Variants in ZSCAN1 observed in about 807,000 individuals in gnomAD.
ZSCAN1 encodes the protein zinc finger and SCAN domain containing 1, also known as zinc finger and SCAN domain-containing protein 1.
Under a neutral mutation model 23.8 loss-of-function variants are expected in ZSCAN1, and 23 were observed. The observed-to-expected ratio is 0.97, with a 90% CI of 0.70 to 1.37. ZSCAN1 has a LOEUF of 1.37. ZSCAN1 is among the 40% of genes most tolerant of loss of function. The probability of loss-of-function intolerance (pLI) is 0.00; values close to 1 mark genes in which losing one functional copy is unlikely to be tolerated. For missense variants in ZSCAN1, 575 were observed against 554.0 expected (o/e 1.04, Z -0.38); for synonymous variants, 236 against 232.3 (o/e 1.02, Z -0.15).
intron 4 of ZSCAN1, chr19:58,044,832 C>G (rs971999267): frequency 6.6e-6 from 5 of 752,244 alleles, no homozygotes; most frequent in Non-Finnish European, 1.2e-5. Context: ...GCCTTCGCAC[C>G]GTGTCGAGAG....
At chr19:58,042,814 T>C (rs1278129253) in intron 4 of ZSCAN1, among the ~76,000 whole-genome samples, 4 of 152,106 alleles carry the variant, frequency 2.6e-5, no homozygotes, top group Admixed American at 2.6e-4. Flanking sequence ...GCGGGGGTCG[T>C]AGGTGGGGAA....
intron 4 of ZSCAN1, among the ~76,000 whole-genome samples, chr19:58,051,462 GCTCCCTCCCTCCCTCC>G (rs959579444): frequency 6.6e-6 from 1 of 151,466 alleles, no homozygotes; most frequent in East Asian, 1.9e-4. Flanking sequence ...CCTGCCATCA[GCTCCCTCCCTCCCTCC>G]CTCCCTCCTC....
downstream of ZSCAN1, among the ~76,000 whole-genome samples, chr19:58,054,965 G>A (rs1280938626): frequency 6.6e-6 from 1 of 152,202 alleles, no homozygotes; most frequent in African/African-American, 2.4e-5. This position sits in a 1 kb window ranked among gnomAD's most constrained non-coding sequence, Gnocchi z 4.2. Context: ...CTGCTAGGCT[G>A]GAGCAGAGTG....
Position 58,049,913 on chromosome 19 carries a change from T to A in ZSCAN1, c.466-2577T>A, listed in dbSNP as rs1466144298. The stretch of plus-strand genomic sequence containing the variant: ...GCTTTTTCTTGTGGGCATTCTCGGG[T>A]TTTTTCACTTTACTCCACTGTGTTG... On this transcript the variant is annotated intron_variant, in intron 4 of 5. Transcript: ENST00000282326. This position sits in a 1 kb window ranked among gnomAD's most constrained non-coding sequence, Gnocchi z 4.5. Among the ~76,000 whole-genome samples the A allele has an allele frequency of 6.6e-6, 1 of 151,984 alleles. No homozygotes were observed. Among genetic ancestry groups the A allele is most frequent in the East Asian group, 1.9e-4 (1 of 5,184 alleles).
intron 5 of ZSCAN1, among the ~76,000 whole-genome samples, 189 bp downstream of exon 5, chr19:58,052,817 A>G (rs1471791037): frequency 1.3e-5 from 2 of 152,088 alleles, no homozygotes; most frequent in African/African-American, 4.8e-5. Flanking sequence ...TACATCGTTC[A>G]CCCTACGAGA....
At chr19:58,034,338 A>G (rs1423813757) in intron 1 of ZSCAN1, among the ~76,000 whole-genome samples, 177 bp downstream of exon 1, 16 of 144,592 alleles carry the variant, frequency 1.1e-4, no homozygotes, top group Non-Finnish European at 1.8e-4. Context: ...GGGGTTCCAG[A>G]GCCCATCGGG....
intron 4 of ZSCAN1, chr19:58,046,345 GA>G: frequency 1.1e-6 from 1 of 926,074 alleles, no homozygotes; most frequent in African/African-American, 1.6e-5. Flanking sequence ...AAAGACTGGT[GA>G]AGAAAAATAC....
In ZSCAN1 at chr19:58,053,425, A is replaced by C. The variant is rs570309047; in HGVS notation, c.605-4A>C. 1.9e-5 allele frequency: 31 copies of C among 1,605,506 alleles called. No individual in the cohort carries two copies. In the East Asian group the frequency reaches 6.0e-4, roughly 31 times the overall value. ...AGGTGACCCATCTCCCTCGCCCTCC[A>C]CAGGGTCCCGGGCCCGCTTGCCTCT... On this transcript the variant is annotated splice_polypyrimidine_tract_variant and splice_region_variant and intron_variant, in intron 5 of 5. Coordinates refer to ENST00000282326, the MANE Select transcript of ZSCAN1 (RefSeq NM_182572.4). The surrounding 1 kb of genome is among the most constrained non-coding windows in gnomAD (Gnocchi z 5.8).
intron 4 of ZSCAN1, among the ~76,000 whole-genome samples, chr19:58,052,063 G>A (rs1395732296): frequency 6.6e-6 from 1 of 152,242 alleles, no homozygotes; most frequent in Non-Finnish European, 1.5e-5. Flanking sequence ...TTGGGGGACG[G>A]GAGTTAGGAG....
Position 58,052,552 on chromosome 19 carries a change from G to T in ZSCAN1, c.528G>T (p.Trp176Cys). ...AAPALPEESE[W>C]LETTQLQQSL... ...CAGCACTCCCCGAGGAAAGTGAGTG[G>T]CTGGAGACTACCCAGCTCCAGCAGA... Residue 176 changes from tryptophan (W) to cysteine (C), a missense_variant, in exon 5 of 6, where the codon TGG (tryptophan) becomes TGT (cysteine). Trp to Cys is a radical substitution (Grantham distance 215). Coordinates refer to ENST00000282326, the MANE Select transcript of ZSCAN1 (RefSeq NM_182572.4). 6.2e-7 allele frequency: 1 copy of T among 1,614,016 alleles called. No individual in the cohort carries two copies. The highest frequency in any genetic ancestry group is 1.3e-5 in the African/African-American group (1 of 75,078).
rs768562283 is a variant in ZSCAN1, at chr19:58,040,408, G to A, written c.371-42G>A. 6.2e-7 allele frequency: 1 copy of A among 1,603,452 alleles called. No homozygotes were observed. Among genetic ancestry groups the A allele is most frequent in the Non-Finnish European group, 8.5e-7 (1 of 1,171,378 alleles). On this transcript the variant is annotated intron_variant, in intron 3 of 5. Transcript: ENST00000282326. This position sits in a 1 kb window ranked among gnomAD's most constrained non-coding sequence, Gnocchi z 5.8. The stretch of plus-strand genomic sequence containing the variant: ...GAAGGCCTGGAGAATTGGGGGCTCT[G>A]GGAAGAACAGGCCCCTCTCACGATC...
chr19:58,044,738 C>A (rs1290151728), intron 4 of ZSCAN1: 1 of 734,746 alleles, frequency 1.4e-6, no homozygotes, highest in Non-Finnish European at 2.5e-6. Flanking sequence ...CCGAAAGTTT[C>A]ATTTGGCTGC....
rs1239868954 is a variant in ZSCAN1, at chr19:58,054,232, G to A, written c.*181G>A. On this transcript the variant is annotated 3_prime_UTR_variant, in exon 6 of 6. Coordinates refer to ENST00000282326, the MANE Select transcript of ZSCAN1 (RefSeq NM_182572.4). This position sits in a 1 kb window ranked among gnomAD's most constrained non-coding sequence, Gnocchi z 4.2. The stretch of plus-strand genomic sequence containing the variant: ...CCTGCTCCGAAGCCAAGCACGGGAT[G>A]GGGCTTCCCAGGGTCTCAGCTGAGA... The A allele has an allele frequency of 9.1e-6, 7 of 772,200 alleles. No homozygotes were observed. The highest frequency in any genetic ancestry group is 1.4e-5 in the Non-Finnish European group (7 of 510,800). The allele number at this position is 772,200 out of a possible 1,614,324, so 47.8% of individuals were successfully genotyped here.
chr19:58,044,638 CCCG>C, intron 4 of ZSCAN1: 9 of 1,044,182 alleles, frequency 8.6e-6, no homozygotes, highest in African/African-American at 1.6e-5. Flanking sequence ...CCGCCAGCCT[CCCG>C]CCGCCGCCTC....
At chr19:58,046,267 C>A (rs2073825313) in intron 4 of ZSCAN1, 14 of 781,272 alleles carry the variant, frequency 1.8e-5, no homozygotes, top group South Asian at 1.7e-4. Flanking sequence ...GAAGGAGGAG[C>A]TGGAGCTGCT....
rs540643412 is a variant in ZSCAN1, at chr19:58,053,208, C to T, written c.605-221C>T. Among the ~76,000 whole-genome samples, 16 of 152,280 alleles carry T rather than the reference C, an allele frequency of 1.1e-4. No homozygotes were observed. The highest frequency in any genetic ancestry group is 2.1e-4 in the South Asian group (1 of 4,830). ...TCCTCACCTCATGATCCACCTTCCT[C>T]GGCCTCCCAAAGTGCTGGGATTACA... On this transcript the variant is annotated intron_variant, in intron 5 of 5. Transcript: ENST00000282326. The surrounding 1 kb of genome is among the most constrained non-coding windows in gnomAD (Gnocchi z 5.8).
chr19:58,041,414 G>A (rs2073788733), intron 4 of ZSCAN1, among the ~76,000 whole-genome samples: 1 of 152,230 alleles, frequency 6.6e-6, no homozygotes, highest in African/African-American at 2.4e-5. Flanking sequence ...GGGAAACAGA[G>A]ACCTCCACAC....
rs2073820475 is a variant in ZSCAN1 at position 58,045,644 on chromosome 19, A to G, written c.465+5100A>G. On this transcript the variant is annotated intron_variant, in intron 4 of 5. Coordinates refer to ENST00000282326, the MANE Select transcript of ZSCAN1 (RefSeq NM_182572.4). This position sits in a 1 kb window ranked among gnomAD's most constrained non-coding sequence, Gnocchi z 4.3. ...CTGCGCTCCATAAAGGCAGAGGACA[A>G]GCTGTTTGCTGAGGAAGGGGTGGAC... 1 of 933,948 alleles carries G rather than the reference A, an allele frequency of 1.1e-6. No homozygotes were observed. The highest frequency in any genetic ancestry group is 2.4e-5 in the East Asian group (1 of 41,906). The allele number at this position is 933,948 out of a possible 1,614,324, so 57.9% of individuals were successfully genotyped here.
At chr19:58,052,191 T>G (rs866999215) in intron 4 of ZSCAN1, among the ~76,000 whole-genome samples, 6 of 152,322 alleles carry the variant, frequency 3.9e-5, no homozygotes, top group South Asian at 4.1e-4. Flanking sequence ...TGCATTTCCA[T>G]TTTGTACAGG....
Sources: gnomAD v4.1 joint callset for allele counts (sites outside exome capture counted in the v4.1 genomes callset) on GRCh38, gnomAD v4.1.1 for gene constraint, Gnocchi (gnomAD v3.1) non-coding constraint, MANE v1.5 for transcripts, NCBI Gene and HGNC (gene_info 2026-07-23, HGNC 2026-07-21) for gene names.